Variants in CPXM2 observed in about 807,000 individuals in gnomAD.
CPXM2 encodes carboxypeptidase X, M14 family member 2.
In CPXM2, 66 loss-of-function variants were observed where a neutral mutation model predicts 86.1. The observed-to-expected ratio is 0.77, with a 90% CI of 0.63 to 0.94. The LOEUF is 0.94. Ranked by LOEUF, CPXM2 falls within the 40% of genes least tolerant of loss-of-function variation. The pLI is 0.00. For synonymous variants in CPXM2, 388 were observed against 400.2 expected (o/e 0.97, Z 0.36); for missense variants, 948 against 1,026.3 (o/e 0.92, Z 1.04).
At chr10:123,849,732 G>C (rs768852123) in intron 3 of CPXM2, among the ~76,000 whole-genome samples, 4 of 152,032 alleles carry the variant, frequency 2.6e-5, no homozygotes, top group Non-Finnish European at 4.4e-5. Context: ...CTTTTAAAAG[G>C]CTAAATCAAA....
At chr10:123,911,732 C>T (rs757917757) in intron 2 of CPXM2, among the ~76,000 whole-genome samples, 2 of 151,918 alleles carry the variant, frequency 1.3e-5, no homozygotes, top group African/African-American at 4.8e-5. Context: ...GATGCCAAGG[C>T]ACCCACAGAG....
intron 4 of CPXM2, among the ~76,000 whole-genome samples, chr10:123,821,052 C>G (rs1430844663): frequency 6.6e-6 from 1 of 152,210 alleles, no homozygotes; most frequent in African/African-American, 2.4e-5. Flanking sequence ...CATTCCAGAT[C>G]CCTTTCTATT....
upstream of CPXM2, among the ~76,000 whole-genome samples, chr10:123,942,500 G>A (rs1488142522): frequency 6.6e-6 from 1 of 152,164 alleles, no homozygotes; most frequent in Non-Finnish European, 1.5e-5. Context: ...TAATTATAAT[G>A]CATTCGCATG....
intron 4 of CPXM2, among the ~76,000 whole-genome samples, chr10:123,833,601 T>C (rs1442195499): frequency 6.6e-6 from 1 of 152,196 alleles, no homozygotes; most frequent in Non-Finnish European, 1.5e-5. Context: ...TCCACAGGCA[T>C]CTCAGCAACA....
chr10:123,788,623 G>A (rs1016899210), intron 6 of CPXM2, among the ~76,000 whole-genome samples: 2 of 152,162 alleles, frequency 1.3e-5, no homozygotes, highest in African/African-American at 2.4e-5. Flanking sequence ...AAGACAAGAC[G>A]CCTCTTCCCC....
At chr10:123,920,223 A>C (rs1945569612) in intron 2 of CPXM2, among the ~76,000 whole-genome samples, 1 of 152,270 alleles carries the variant, frequency 6.6e-6, no homozygotes, top group African/African-American at 2.4e-5. Flanking sequence ...AGGGAAACCA[A>C]AAGATTATTG....
In CPXM2 at chr10:123,746,440, T is replaced by G. The variant is rs1845972635; in HGVS notation, c.*324A>C. The stretch of plus-strand genomic sequence containing the variant: ...AACAGGGGAAGCACCAGAATCCTTT[T>G]CTATGCAGCCAGAGGCTCTGAACGG... On this transcript the variant is annotated 3_prime_UTR_variant, in exon 14 of 14. Coordinates refer to ENST00000241305, the MANE Select transcript of CPXM2 (RefSeq NM_198148.3). 1 of 334,508 alleles carries G rather than the reference T, an allele frequency of 3.0e-6. No homozygotes were observed. The highest frequency in any genetic ancestry group is 5.5e-6 in the Non-Finnish European group (1 of 183,484). The allele number at this position is 334,508 out of a possible 1,614,324, so 20.7% of individuals were successfully genotyped here. A position where few individuals can be genotyped will look rare whatever the true frequency, so the allele number is the denominator to read the frequency against.
At chr10:123,887,429 A>G (rs537187145) in intron 1 of CPXM2, among the ~76,000 whole-genome samples, 1 of 152,330 alleles carries the variant, frequency 6.6e-6, no homozygotes, top group South Asian at 2.1e-4. Flanking sequence ...AAAACTACAG[A>G]GAACATGCCT....
intron 1 of CPXM2, among the ~76,000 whole-genome samples, chr10:123,890,384 C>T (rs1014324961): frequency 1.3e-5 from 2 of 152,226 alleles, no homozygotes; most frequent in Non-Finnish European, 2.9e-5. Flanking sequence ...CTCACCCCTC[C>T]TCCACTTTCC....
chr10:123,860,134 T>C (rs538491915), intron 3 of CPXM2, among the ~76,000 whole-genome samples: 1 of 152,048 alleles, frequency 6.6e-6, no homozygotes, highest in Non-Finnish European at 1.5e-5. Flanking sequence ...TAAATGAAGG[T>C]TCAGAGAGAG....
At chr10:123,760,786 ATCC>A (rs1442132947) in intron 11 of CPXM2, among the ~76,000 whole-genome samples, 3 of 152,050 alleles carry the variant, frequency 2.0e-5, no homozygotes, top group Non-Finnish European at 4.4e-5. Flanking sequence ...TACCACCACC[ATCC>A]TCCTCCTCCT....
chr10:123,844,101 A>C (rs1205969108), intron 3 of CPXM2, among the ~76,000 whole-genome samples: 1 of 152,150 alleles, frequency 6.6e-6, no homozygotes, highest in Non-Finnish European at 1.5e-5. Context: ...AAAATCGATT[A>C]TGAATTTAAA....
intron 2 of CPXM2, 66 bp downstream of exon 2, chr10:123,880,145 T>TTGGGGGGGC: frequency 1.5e-5 from 6 of 407,576 alleles, no homozygotes; most frequent in East Asian, 4.9e-5. Context: ...CAGGGGCCTG[T>TTGGGGGGGC]ACCCACCCAC....
chr10:123,852,326 A>G (rs1029640217), intron 3 of CPXM2, among the ~76,000 whole-genome samples: 2 of 152,084 alleles, frequency 1.3e-5, no homozygotes, highest in African/African-American at 4.8e-5. Flanking sequence ...ACTCCCTTCT[A>G]TTCTCTTGCA....
chr10:123,882,115 C>T (rs114352752), intron 1 of CPXM2, among the ~76,000 whole-genome samples: 1,992 of 152,288 alleles, frequency 0.013, 36 homozygotes, highest in African/African-American at 0.045. Flanking sequence ...TTAAGAAAAC[C>T]TTAAATCTTC....
intron 2 of CPXM2, among the ~76,000 whole-genome samples, chr10:123,864,053 T>C (rs1276286212): frequency 1.3e-5 from 2 of 152,152 alleles, no homozygotes; most frequent in Non-Finnish European, 2.9e-5. Context: ...CCCAGGAGCC[T>C]GGGCTCTGGC....
At chr10:123,875,331 T>C (rs1944964076) in intron 2 of CPXM2, among the ~76,000 whole-genome samples, 1 of 152,146 alleles carries the variant, frequency 6.6e-6, no homozygotes. Flanking sequence ...TTCTTGGGCT[T>C]CCTAACCACC....
At chr10:123,833,647 G>T (rs117398740) in intron 4 of CPXM2, among the ~76,000 whole-genome samples, 4 of 152,190 alleles carry the variant, frequency 2.6e-5, no homozygotes, top group Non-Finnish European at 5.9e-5. Flanking sequence ...TCTCCTCTTC[G>T]CACAGTCCAG....
intron 3 of CPXM2, among the ~76,000 whole-genome samples, chr10:123,857,629 TGGAGATGGAAGGC>T (rs879588073): frequency 0.11 from 12,870 of 114,368 alleles, 670 homozygotes; most frequent in Middle Eastern, 0.15. Context: ...GAAGGCGGCG[TGGAGATGGAAGGC>T]GGCGTGGAGA....
Sources: gnomAD v4.1 joint callset for allele counts (sites outside exome capture counted in the v4.1 genomes callset) on GRCh38, gnomAD v4.1.1 for gene constraint, MANE v1.5 for transcripts, NCBI Gene and HGNC (gene_info 2026-07-23, HGNC 2026-07-21) for gene names.